FRMD6: variants seen among roughly 807,000 people sequenced by gnomAD.
FRMD6 encodes FERM domain-containing protein 6.
In FRMD6, 37 loss-of-function variants were observed where a neutral mutation model predicts 73.2. The observed-to-expected ratio is 0.51, with a 90% confidence interval of 0.39 to 0.66. The LOEUF (loss-of-function observed/expected upper bound fraction) is 0.66, where lower values mean the gene tolerates loss of function less well. Ranked by LOEUF, FRMD6 falls within the 30% of genes least tolerant of loss-of-function variation. The probability of loss-of-function intolerance (pLI) is 0.00; values close to 1 mark genes in which losing one functional copy is unlikely to be tolerated. For missense variants in FRMD6, 714 were observed against 780.5 expected (o/e 0.91, Z 1.02); for synonymous variants, 273 against 282.2 (o/e 0.97, Z 0.33).
chr14:51,565,907 G>A (rs1338481127), intron 1 of FRMD6, among the ~76,000 whole-genome samples: 1 of 152,212 alleles, frequency 6.6e-6, no homozygotes, highest in African/African-American at 2.4e-5. Flanking sequence ...GCTCACGCCT[G>A]TAATCCCAGC....
chr14:51,514,425 G>A (rs1022423047), intron 1 of FRMD6, among the ~76,000 whole-genome samples: 1 of 152,152 alleles, frequency 6.6e-6, no homozygotes, highest in African/African-American at 2.4e-5. Flanking sequence ...ATGATAGGTT[G>A]ATAGGTGCAG....
At chr14:51,471,323 A>G in the FRMD6 span, among the ~76,000 whole-genome samples, 1 of 151,986 alleles carries the variant, frequency 6.6e-6, no homozygotes, top group African/African-American at 2.4e-5. Flanking sequence ...CCCTGTCTCT[A>G]CTAAAAATAC....
At chr14:51,717,810 C>G (rs979044457) in intron 10 of FRMD6, among the ~76,000 whole-genome samples, 2 of 152,186 alleles carry the variant, frequency 1.3e-5, no homozygotes, top group Non-Finnish European at 2.9e-5. Context: ...GTCTAAAACA[C>G]TATTTTAGCA....
intron 1 of FRMD6, among the ~76,000 whole-genome samples, chr14:51,682,126 TC>T (rs1398477750): frequency 6.6e-6 from 1 of 152,212 alleles, no homozygotes; most frequent in African/African-American, 2.4e-5. Context: ...TTGCATTATT[TC>T]CATAAATTAT....
At chr14:51,654,580 GTT>G in intron 1 of FRMD6, among the ~76,000 whole-genome samples, 2 of 141,324 alleles carry the variant, frequency 1.4e-5, no homozygotes, top group South Asian at 2.2e-4. Flanking sequence ...AAAGTTGTGG[GTT>G]TTTTTTTTTT....
At chr14:51,630,027 C>T (rs1308465235) in intron 2 of FRMD6, among the ~76,000 whole-genome samples, 4 of 152,174 alleles carry the variant, frequency 2.6e-5, no homozygotes, top group East Asian at 3.8e-4. Flanking sequence ...AACTTCTCCT[C>T]TGCTCCAGCA....
intron 1 of FRMD6, among the ~76,000 whole-genome samples, chr14:51,516,224 A>AC (rs150341852): frequency 2.2e-5 from 3 of 135,550 alleles, no homozygotes; most frequent in African/African-American, 8.8e-5. Context: ...ACACACTCAC[A>AC]AAAAAACAAA....
chr14:51,592,296 G>A (rs185158649), intron 2 of FRMD6, among the ~76,000 whole-genome samples: 69 of 152,288 alleles, frequency 4.5e-4, no homozygotes, highest in Non-Finnish European at 5.9e-5. Flanking sequence ...AATATTGTTA[G>A]GATGCCTTGT....
the FRMD6 span, among the ~76,000 whole-genome samples, chr14:51,465,370 C>T: frequency 2.0e-5 from 3 of 152,164 alleles, no homozygotes; most frequent in Non-Finnish European, 4.4e-5. Flanking sequence ...ACCACCATAA[C>T]AATCAAGGAA....
the FRMD6 span, among the ~76,000 whole-genome samples, chr14:51,419,430 A>C: frequency 6.6e-6 from 1 of 152,234 alleles, no homozygotes; most frequent in Admixed American, 6.5e-5. Flanking sequence ...TACAGGCATT[A>C]GCCACCATGC....
chr14:51,418,292 T>C, the FRMD6 span, among the ~76,000 whole-genome samples: 1 of 152,224 alleles, frequency 6.6e-6, no homozygotes, highest in Non-Finnish European at 1.5e-5. Flanking sequence ...TTTGTGGTTT[T>C]ATCTACCTTT....
intron 2 of FRMD6, among the ~76,000 whole-genome samples, chr14:51,641,676 T>C (rs1383562771): frequency 3.3e-5 from 5 of 152,172 alleles, no homozygotes; most frequent in Non-Finnish European, 5.9e-5. Context: ...CCCCAGATAC[T>C]AACTGCCCTG....
intron 1 of FRMD6, among the ~76,000 whole-genome samples, chr14:51,556,661 T>C (rs1287740647): frequency 6.6e-6 from 1 of 152,234 alleles, no homozygotes; most frequent in African/African-American, 2.4e-5. Context: ...TCCGTTATTA[T>C]GTCTAAACTT....
rs1342313223 is a variant in FRMD6 at position 51,692,089 on chromosome 14, CT to C, written c.99+2155del. Among the ~76,000 whole-genome samples the C allele has an allele frequency of 2.0e-5, 3 of 152,164 alleles. No individual in the cohort carries two copies. The East Asian group carries it at 5.8e-4, about 29-fold the overall frequency. On this transcript the variant is annotated intron_variant, in intron 2 of 13. Transcript: ENST00000344768. Reference sequence around the variant, plus strand: ...TACTGCTGTATCCTCATTTTTGCTTCTAGGGATTGTCTGAGGATCCAACAGG... The same window carrying C: ...TACTGCTGTATCCTCATTTTTGCTTCAGGGATTGTCTGAGGATCCAACAGG...
At chr14:51,493,714 GT>G (rs1883142223) in intron 1 of FRMD6, among the ~76,000 whole-genome samples, 1 of 152,154 alleles carries the variant, frequency 6.6e-6, no homozygotes, top group African/African-American at 2.4e-5. Flanking sequence ...TATGAATATA[GT>G]TTTCTATCAT....
chr14:51,424,216 G>T, the FRMD6 span, among the ~76,000 whole-genome samples: 5 of 152,206 alleles, frequency 3.3e-5, no homozygotes, highest in African/African-American at 1.2e-4. Context: ...GGAAGTAGAA[G>T]GTAAAAGCCA....
chr14:51,431,684 T>C, the FRMD6 span, among the ~76,000 whole-genome samples: 2 of 152,228 alleles, frequency 1.3e-5, no homozygotes, highest in Non-Finnish European at 2.9e-5. Context: ...AAGTTGGTGA[T>C]AGACTCCCCT....
At chr14:51,500,971 A>T (rs1310599359) in intron 1 of FRMD6, among the ~76,000 whole-genome samples, 1 of 152,222 alleles carries the variant, frequency 6.6e-6, no homozygotes, top group Non-Finnish European at 1.5e-5. Context: ...ATGAATAGTT[A>T]TGGGAAACTT....
the FRMD6 span, among the ~76,000 whole-genome samples, chr14:51,473,293 T>G: frequency 6.6e-6 from 1 of 152,208 alleles, no homozygotes; most frequent in Admixed American, 6.5e-5. Flanking sequence ...CTATCTTATT[T>G]TAAAAGGCCA....
Sources: gnomAD v4.1 joint callset for allele counts (sites outside exome capture counted in the v4.1 genomes callset) on GRCh38, gnomAD v4.1.1 for gene constraint, MANE v1.5 for transcripts, NCBI Gene and HGNC (gene_info 2026-07-23, HGNC 2026-07-21) for gene names.